FGD5: variants seen among roughly 807,000 people sequenced by gnomAD.
FGD5 encodes FYVE, RhoGEF and PH domain containing 5.
Under a neutral mutation model 133.4 loss-of-function variants are expected in FGD5, and 28 were observed. That is an observed-to-expected ratio of 0.21 (90% CI 0.16 to 0.29). The LOEUF (loss-of-function observed/expected upper bound fraction) is 0.29, where lower values mean the gene tolerates loss of function less well. FGD5 is among the 10% of genes least tolerant of loss of function. The probability of loss-of-function intolerance (pLI) is 1.00; values close to 1 mark genes in which losing one functional copy is unlikely to be tolerated. For synonymous variants in FGD5, 810 were observed against 776.5 expected, an observed-to-expected ratio of 1.04 and a Z score of -0.72; for missense variants, 1,858 against 1,895.2, an observed-to-expected ratio of 0.98 and a Z score of 0.36.
At chr3:14,832,253 C>A (rs545510583) in intron 1 of FGD5, among the ~76,000 whole-genome samples, 1 of 152,302 alleles carries the variant, frequency 6.6e-6, no homozygotes, top group Admixed American at 6.5e-5. Flanking sequence ...CTGAGGCAAA[C>A]AGACACTTTT....
At chr3:14,895,213 G>A (rs896103357) in intron 4 of FGD5, among the ~76,000 whole-genome samples, 4 of 152,142 alleles carry the variant, frequency 2.6e-5, no homozygotes, top group Non-Finnish European at 5.9e-5. Flanking sequence ...GACTGATGTA[G>A]TCCCATTTGT....
chr3:14,853,636 C>CTTTTTTTTTTTTTTTTTTTTTTTTT (rs34008934), intron 1 of FGD5, among the ~76,000 whole-genome samples: 2 of 37,094 alleles, frequency 5.4e-5, no homozygotes, highest in Non-Finnish European at 9.0e-5. Flanking sequence ...AAAAGCGTTC[C>CTTTTTTTTTTTTTTTTTTTTTTTTT]TTTTTTTTTT....
intron 1 of FGD5, among the ~76,000 whole-genome samples, chr3:14,847,306 C>T (rs2037068659): frequency 6.6e-6 from 1 of 152,176 alleles, no homozygotes; most frequent in African/African-American, 2.4e-5. Context: ...GTTTTAGTCT[C>T]CATTTTATAG....
Position 14,922,748 on chromosome 3 carries a change from CT to C in FGD5, c.3807+202del, listed in dbSNP as rs932274111. On this transcript the variant is annotated intron_variant, in intron 15 of 19. Coordinates refer to ENST00000285046, the MANE Select transcript of FGD5 (RefSeq NM_152536.4). This position sits in a 1 kb window ranked among gnomAD's most constrained non-coding sequence, Gnocchi z 4.1. ...AACCAGAGCTCCAAGTCCCAGGCCT[CT>C]TCCACACCACCACGTTTTCAACAGA... 2.6e-5 allele frequency among the ~76,000 whole-genome samples: 4 copies of C among 152,206 alleles called. No homozygotes were observed. Among genetic ancestry groups the C allele is most frequent in the African/African-American group, 9.7e-5 (4 of 41,446 alleles).
At chr3:14,906,829 T>C (rs2038351682) in intron 9 of FGD5, among the ~76,000 whole-genome samples, 1 of 152,232 alleles carries the variant, frequency 6.6e-6, no homozygotes, top group South Asian at 2.1e-4. Flanking sequence ...GTTCACTCGG[T>C]TGCCTTGTGA....
rs1174326349 is a variant in FGD5 at position 14,819,191 on chromosome 3, C to A, written c.120C>A (p.Pro40=). 1 of 1,551,160 alleles carries A rather than the reference C, an allele frequency of 6.4e-7. No homozygotes were observed. Among genetic ancestry groups the A allele is most frequent in the East Asian group, 2.4e-5 (1 of 40,914 alleles). The change falls in exon 1 of 20, where the codon CCC becomes CCA. Residue 40 remains proline, a synonymous_variant. Coordinates refer to ENST00000285046, the MANE Select transcript of FGD5 (RefSeq NM_152536.4). The surrounding 1 kb of genome is among the most constrained non-coding windows in gnomAD (Gnocchi z 4.1). ...ACAAATGCAGCAACGGGCGGCTGCC[C>A]TGTGTAGACAGGGGGCTTGATGAGG... ...SLNKCSNGRL[P]CVDRGLDEGP... is the part of the protein sequence containing the mutation.
intron 4 of FGD5, among the ~76,000 whole-genome samples, chr3:14,894,674 ATTT>A (rs55815625): frequency 9.4e-5 from 12 of 128,304 alleles, no homozygotes; most frequent in Admixed American, 1.6e-4. Flanking sequence ...GGTCCAGCTA[ATTT>A]TTTTTTTTTT....
chr3:14,866,793 A>C (rs1369334620), intron 2 of FGD5, among the ~76,000 whole-genome samples: 1 of 152,214 alleles, frequency 6.6e-6, no homozygotes, highest in African/African-American at 2.4e-5. Context: ...GGGGTCATGA[A>C]GCTGGGGCAG....
chr3:14,885,389 A>G (rs2037906045), intron 4 of FGD5, among the ~76,000 whole-genome samples: 2 of 152,254 alleles, frequency 1.3e-5, no homozygotes, highest in East Asian at 1.9e-4. Flanking sequence ...CCTCAGTGCC[A>G]GGGAGTGATT....
intron 1 of FGD5, among the ~76,000 whole-genome samples, chr3:14,856,181 G>GTA (rs2037274093): frequency 6.6e-6 from 1 of 152,074 alleles, no homozygotes; most frequent in African/African-American, 2.4e-5. Context: ...TTAGTTGTCT[G>GTA]TATATATATG....
chr3:14,919,745 G>A (rs1247332332), intron 13 of FGD5, among the ~76,000 whole-genome samples: 1 of 152,236 alleles, frequency 6.6e-6, no homozygotes, highest in Non-Finnish European at 1.5e-5. Context: ...GTCTGGTGAG[G>A]TTCTGCTTCC....
At chr3:14,867,111 C>G (rs558584432) in intron 2 of FGD5, among the ~76,000 whole-genome samples, 1 of 152,370 alleles carries the variant, frequency 6.6e-6, no homozygotes, top group African/African-American at 2.4e-5. Context: ...AAGGCATGCT[C>G]TACCACGGAA....
chr3:14,917,335 A>G lies in FGD5; in HGVS notation c.3489+3A>G, dbSNP rs1479059354. ...CATTGGCTGTGGCCAACATGAAGGT[A>G]AATATCTGGTGCCAGGTACCCCCGG... On this transcript the variant is annotated splice_donor_region_variant and intron_variant, in intron 12 of 19. Transcript: ENST00000285046. The surrounding 1 kb of genome is among the most constrained non-coding windows in gnomAD (Gnocchi z 4.1). The G allele has an allele frequency of 1.2e-6, 2 of 1,612,018 alleles. No homozygotes were observed. Among genetic ancestry groups the G allele is most frequent in the South Asian group, 1.1e-5 (1 of 90,420 alleles).
intron 11 of FGD5, among the ~76,000 whole-genome samples, chr3:14,913,000 C>T (rs2038480489): frequency 6.6e-6 from 1 of 152,068 alleles, no homozygotes; most frequent in African/African-American, 2.4e-5. Flanking sequence ...TGCGCCATTA[C>T]ACTCCAGCCT....
chr3:14,857,625 G>T (rs1030243212), intron 1 of FGD5, among the ~76,000 whole-genome samples: 1 of 152,206 alleles, frequency 6.6e-6, no homozygotes, highest in Non-Finnish European at 1.5e-5. Context: ...TTGCCTATAA[G>T]TTGTAAGGTA....
Position 14,864,181 on chromosome 3 carries a change from A to G in FGD5, c.2579A>G (p.Glu860Gly). ...VCPISSAAPKEDLTSDEEQRS... is the reference protein window; with the variant it reads ...VCPISSAAPKGDLTSDEEQRS... ...CCCATCTCGTCGGCAGCCCCCAAAG[A>G]GGACCTTACGTCGGATGAAGAGCAG... The change falls in exon 2 of 20, where the codon GAG becomes GGG. Residue 860 changes from glutamate to glycine, a missense_variant. Around this residue, in one of 3 missense-constraint regions of FGD5, gnomAD observed 1,824 missense variants for 1,848.9 expected, o/e 0.99. Transcript: ENST00000285046. The G allele has an allele frequency of 6.2e-7, 1 of 1,614,010 alleles. No homozygotes were observed. The highest frequency in any genetic ancestry group is 8.5e-7 in the Non-Finnish European group (1 of 1,179,898).
chr3:14,922,369 C>T lies in FGD5; in HGVS notation c.3670-42C>T. On this transcript the variant is annotated intron_variant, in intron 14 of 19. Coordinates refer to ENST00000285046, the MANE Select transcript of FGD5 (RefSeq NM_152536.4). This position sits in a 1 kb window ranked among gnomAD's most constrained non-coding sequence, Gnocchi z 4.1. ...CTGGGCTCTGCATCTGGCTGGTCTC[C>T]TGGCCACATTCCACATTACTCAGCC... 1 of 1,553,646 alleles carries T rather than the reference C, an allele frequency of 6.4e-7. No homozygotes were observed. The highest frequency in any genetic ancestry group is 8.7e-7 in the Non-Finnish European group (1 of 1,148,110).
At chr3:14,853,454 C>T (rs1044959190) in intron 1 of FGD5, among the ~76,000 whole-genome samples, 1 of 151,826 alleles carries the variant, frequency 6.6e-6, no homozygotes, top group African/African-American at 2.4e-5. Context: ...AGAGCTCAGC[C>T]CCGAAGCCCC....
chr3:14,865,498 C>G (rs993418554), intron 2 of FGD5, among the ~76,000 whole-genome samples: 2 of 152,148 alleles, frequency 1.3e-5, no homozygotes, highest in African/African-American at 4.8e-5. Context: ...GCCTCTTCCC[C>G]CTCAGTCCCT....
Sources: gnomAD v4.1 joint callset for allele counts (sites outside exome capture counted in the v4.1 genomes callset) on GRCh38, gnomAD v4.1.1 for gene constraint, gnomAD v4.1.1 regional missense constraint, Gnocchi (gnomAD v3.1) non-coding constraint, MANE v1.5 for transcripts, NCBI Gene and HGNC (gene_info 2026-07-23, HGNC 2026-07-21) for gene names.